The following CR1 variants were observed in gnomAD, a reference collection of about 807,000 sequenced individuals.
CR1 encodes the protein complement C3b/C4b receptor 1 (Knops blood group).
CR1 carries 116 observed loss-of-function variants against 187.3 expected under a neutral mutation model. The ratio of observed to expected loss-of-function variants is 0.62; its 90% CI spans 0.53 to 0.72. The LOEUF (loss-of-function observed/expected upper bound fraction) is 0.72, where lower values mean the gene tolerates loss of function less well. Ranked by LOEUF, CR1 falls within the 30% of genes least tolerant of loss-of-function variation. The probability of loss-of-function intolerance (pLI) is 0.00; values close to 1 mark genes in which losing one functional copy is unlikely to be tolerated. For synonymous variants in CR1, 576 were observed against 747.1 expected, an observed-to-expected ratio of 0.77 and a Z score of 3.73; for missense variants, 1,731 against 2,110.7, an observed-to-expected ratio of 0.82 and a Z score of 3.52.
intron 43 of CR1, among the ~76,000 whole-genome samples, chr1:207,621,616 T>C (rs1291328253): frequency 6.6e-6 from 1 of 152,206 alleles, no homozygotes; most frequent in African/African-American, 2.4e-5. Flanking sequence ...TTAGTTTGCC[T>C]TTGTTGTAAC....
At chr1:207,506,586 C>A (rs771145091) in intron 2 of CR1, 128 bp from the exon 3 acceptor site, 39 of 764,748 alleles carry the variant, frequency 5.1e-5, no homozygotes, top group Non-Finnish European at 7.1e-5. Context: ...CTCAAGGTAG[C>A]AAAATCTGTG....
Position 207,587,373 on chromosome 1 carries a change from T to G in CR1, c.5531-13T>G, listed in dbSNP as rs551850989. On this transcript the variant is annotated splice_polypyrimidine_tract_variant and intron_variant, in intron 33 of 46. Transcript: ENST00000367049. ...TCTGCTAACTTTGATATTCCTGTGG[T>G]TTTTCTCTCCAGGTCACTGTAAAAC... The G allele has an allele frequency of 5.6e-6, 9 of 1,598,758 alleles. No homozygotes were observed. The South Asian group carries it at 9.0e-5, about 16-fold the overall frequency.
intron 35 of CR1, among the ~76,000 whole-genome samples, chr1:207,592,658 T>C (rs1571570167): frequency 6.6e-6 from 1 of 152,274 alleles, no homozygotes; most frequent in East Asian, 1.9e-4. Context: ...TCAAATTGTC[T>C]CTGTTTGCAT....
intron 45 of CR1, among the ~76,000 whole-genome samples, chr1:207,627,147 C>T (rs1195130351): frequency 1.3e-5 from 2 of 152,160 alleles, no homozygotes; most frequent in Non-Finnish European, 2.9e-5. Context: ...CTTTAAAATG[C>T]TCCTCAAGGA....
At chr1:207,523,586 T>C (rs1355178293) in intron 4 of CR1, 25 bp from the exon 5 acceptor site, 1 of 1,613,548 alleles carries the variant, frequency 6.2e-7, no homozygotes, top group Admixed American at 1.7e-5. Flanking sequence ...CTGACTGTTA[T>C]TTATCCTGCT....
At chr1:207,583,485 A>G (rs910109378) in intron 32 of CR1, among the ~76,000 whole-genome samples, 6 of 152,198 alleles carry the variant, frequency 3.9e-5, no homozygotes, top group African/African-American at 1.2e-4. Context: ...TGACAGCAAG[A>G]GGTTTGCTTT....
intron 4 of CR1, among the ~76,000 whole-genome samples, chr1:207,518,187 A>C (rs1372156757): frequency 6.6e-6 from 1 of 152,050 alleles, no homozygotes; most frequent in Non-Finnish European, 1.5e-5. Context: ...TTCACTTTTA[A>C]TATCTCCTCT....
At chr1:207,519,352 G>C (rs1375394365) in intron 4 of CR1, among the ~76,000 whole-genome samples, 1 of 151,878 alleles carries the variant, frequency 6.6e-6, no homozygotes, top group African/African-American at 2.4e-5. Flanking sequence ...TAAAGTCTAA[G>C]TCTTGGTATT....
At position 207,587,421 on chromosome 1, in the gene CR1, A is replaced by C. The variant is rs1357145728; in HGVS notation, c.5566A>C (p.Ser1856Arg). 58 of 1,613,792 alleles carry C rather than the reference A, an allele frequency of 3.6e-5. No homozygotes were observed. Among genetic ancestry groups the C allele is most frequent in the Non-Finnish European group, 4.1e-5 (48 of 1,179,796 alleles). Residue 1856 changes from serine (S) to arginine (R), a missense_variant, in exon 34 of 47, where the codon AGT becomes CGT. This residue lies in a region of CR1 where 1,312 missense variants were observed against 1,379.6 expected (regional missense o/e 0.95). Coordinates refer to ENST00000367049, the MANE Select transcript of CR1 (RefSeq NM_000651.6). ...CKTPEQFPFA[S>R]PTIPINDFEF... ...AACCCCAGAGCAGTTTCCATTTGCC[A>C]GTCCTACGATCCCAATTAATGACTT...
chr1:207,519,559 G>A (rs891132788), intron 4 of CR1, among the ~76,000 whole-genome samples: 5 of 152,158 alleles, frequency 3.3e-5, no homozygotes, highest in Non-Finnish European at 5.9e-5. Context: ...AACAACGCAA[G>A]TACCGAAACT....
chr1:207,589,824 C>T (rs11576732), intron 35 of CR1, among the ~76,000 whole-genome samples: 1 of 152,040 alleles, frequency 6.6e-6, no homozygotes, highest in African/African-American at 2.4e-5. Context: ...GAAGCATACA[C>T]AAGTATCAAT....
chr1:207,596,806 TATAAC>T (rs1169445606), intron 35 of CR1, among the ~76,000 whole-genome samples: 1 of 147,874 alleles, frequency 6.8e-6, no homozygotes, highest in Non-Finnish European at 1.5e-5. Context: ...ATATATATAA[TATAAC>T]ATAAAATTCA....
rs1477895048 is a variant in CR1, at chr1:207,607,265, G to T, written c.5825G>T (p.Gly1942Val). 5.0e-6 allele frequency: 8 copies of T among 1,613,306 alleles called. 1 individual carries two copies. The highest frequency in any genetic ancestry group is 5.9e-6 in the Non-Finnish European group (7 of 1,179,322). ...CTTTGCTTTAGGTTTCGACTCATTG[G>T]TTCCCCATCTACTACTTGTCTCGTC... ...YSCNEGFRLI[G>V]SPSTTCLVSG... is the part of the protein sequence containing the mutation. Residue 1942 changes from glycine (G) to valine (V), a missense_variant, in exon 36 of 47, where the codon GGT (glycine) becomes GTT (valine). Physicochemically the swap from Gly to Val is moderately radical, Grantham distance 109. Transcript: ENST00000367049.
At chr1:207,578,781 G>T (rs1370135614) in intron 29 of CR1, among the ~76,000 whole-genome samples, 1 of 152,212 alleles carries the variant, frequency 6.6e-6, no homozygotes, top group African/African-American at 2.4e-5. Context: ...GGCTTACAAA[G>T]ACAGAAATCA....
chr1:207,564,572 A>G lies in CR1; in HGVS notation c.3866+338A>G, dbSNP rs192142254. ...CCCAGCACCTTTGGGAGGTTGAGGCAGGCAGATCACCTGAGGTCAGGAGTT... is the reference window on the plus strand; with the variant it reads ...CCCAGCACCTTTGGGAGGTTGAGGCGGGCAGATCACCTGAGGTCAGGAGTT... On this transcript the variant is annotated intron_variant, in intron 23 of 46. Transcript: ENST00000367049. Among the ~76,000 whole-genome samples the G allele has an allele frequency of 3.3e-4, 50 of 150,218 alleles. 5 individuals are homozygous for G. Among genetic ancestry groups the G allele is most frequent in the African/African-American group, 9.1e-4 (36 of 39,674 alleles).
chr1:207,593,359 A>T (rs1661334044), intron 35 of CR1, among the ~76,000 whole-genome samples: 1 of 152,214 alleles, frequency 6.6e-6, no homozygotes, highest in African/African-American at 2.4e-5. Flanking sequence ...CAATGGGGAA[A>T]GGATTCCCTA....
chr1:207,521,108 C>T (rs1250429208), intron 4 of CR1, among the ~76,000 whole-genome samples: 2 of 151,574 alleles, frequency 1.3e-5, no homozygotes, highest in Non-Finnish European at 2.9e-5. Flanking sequence ...TTCCAAGTAG[C>T]TGCAATTACA....
chr1:207,580,212 A>T, intron 29 of CR1, 28 bp from the exon 30 acceptor site: 1 of 1,610,460 alleles, frequency 6.2e-7, no homozygotes, highest in Non-Finnish European at 8.5e-7. Flanking sequence ...CATAACTAAC[A>T]AGTACTCTGG....
At position 207,622,739 on chromosome 1, in the gene CR1, C is replaced by T. The variant is rs367835659; in HGVS notation, c.7277-254C>T. The stretch of plus-strand genomic sequence containing the variant: ...GAGCTGGTGGCCAGCTGCCCCATCA[C>T]GGTTCTCACTTACTTTTGGAAAAGC... On this transcript the variant is annotated intron_variant, in intron 44 of 46. Transcript: ENST00000367049. Among the ~76,000 whole-genome samples, 271 of 152,316 alleles carry T rather than the reference C, an allele frequency of 1.8e-3. 1 individual carries two copies. The highest frequency in any genetic ancestry group is 5.7e-3 in the African/African-American group (238 of 41,570).
Sources: gnomAD v4.1 joint callset for allele counts (sites outside exome capture counted in the v4.1 genomes callset) on GRCh38, gnomAD v4.1.1 for gene constraint, gnomAD v4.1.1 regional missense constraint, MANE v1.5 for transcripts, NCBI Gene and HGNC (gene_info 2026-07-23, HGNC 2026-07-21) for gene names.